The following NRG4 variants were observed in gnomAD, a reference collection of about 807,000 sequenced individuals.
NRG4 encodes the protein neuregulin 4, also known as pro-neuregulin-4, membrane-bound isoform.
NRG4 carries 10 observed loss-of-function variants against 15.0 expected under a neutral mutation model. The observed-to-expected ratio is 0.67, with a 90% confidence interval of 0.41 to 1.13. The LOEUF is 1.13. NRG4 is among the 50% of genes most tolerant of loss of function. NRG4 has a pLI of 0.00. For missense variants in NRG4, 139 were observed against 140.2 expected (o/e 0.99, Z 0.04); for synonymous variants, 41 against 50.1 (o/e 0.82, Z 0.77).
chr15:75,976,891 C>A (rs2033388750), intron 3 of NRG4, among the ~76,000 whole-genome samples: 1 of 152,148 alleles, frequency 6.6e-6, no homozygotes, highest in South Asian at 2.1e-4. Flanking sequence ...TTCAGAGCCA[C>A]CAGGCAGGAA....
upstream of NRG4, among the ~76,000 whole-genome samples, chr15:76,014,292 T>C (rs2034908000): frequency 6.6e-6 from 1 of 152,218 alleles, no homozygotes; most frequent in South Asian, 2.1e-4. Context: ...ATTCTGTAGG[T>C]TGCCTGTTTA....
At position 76,011,301 on chromosome 15, in the gene NRG4, A is replaced by G. The variant is rs972148833; in HGVS notation, c.-56-15T>C. On this transcript the variant is annotated splice_polypyrimidine_tract_variant and intron_variant, in intron 1 of 5. Coordinates refer to ENST00000394907, the MANE Select transcript of NRG4 (RefSeq NM_138573.4). ...AAAAACAGTACCTAAAACGGTTTAA[A>G]AAGTAATAATTCAGGGAAAATAGTC... The G allele has an allele frequency of 4.1e-5, 52 of 1,261,808 alleles. No individual in the cohort carries two copies. In the African/African-American group the frequency reaches 7.1e-4, roughly 17 times the overall value. The allele number at this position is 1,261,808 out of a possible 1,614,324, so 78.2% of individuals were successfully genotyped here. A position where few individuals can be genotyped will look rare whatever the true frequency, so the allele number is the denominator to read the frequency against.
intron 4 of NRG4, among the ~76,000 whole-genome samples, chr15:76,051,139 G>A (rs910484839): frequency 8.8e-5 from 13 of 147,916 alleles, no homozygotes; most frequent in Non-Finnish European, 1.2e-4. Flanking sequence ...CCAAGTAGCT[G>A]GGACTACAGG....
intron 4 of NRG4, among the ~76,000 whole-genome samples, chr15:76,043,855 A>T (rs1316040060): frequency 1.3e-5 from 2 of 152,212 alleles, no homozygotes; most frequent in Admixed American, 6.5e-5. Flanking sequence ...AAAGAACAAA[A>T]CTGAATAAAT....
chr15:75,979,368 A>T (rs1369402004), intron 3 of NRG4, among the ~76,000 whole-genome samples: 1 of 152,068 alleles, frequency 6.6e-6, no homozygotes, highest in Admixed American at 6.5e-5. Context: ...TCTCCAATCC[A>T]TTGGGTGGAT....
rs200629634 is a variant in NRG4 at position 76,049,294 on chromosome 15, ATAT to A, written c.-105+2770_-105+2772del. 6.2e-3 allele frequency among the ~76,000 whole-genome samples: 933 copies of A among 150,894 alleles called. 57 individuals carry two copies. Among genetic ancestry groups the A allele is most frequent in the African/African-American group, 0.021 (862 of 40,454 alleles). ...TTAACATCTCCTTGCTTACAAAGAA[ATAT>A]TATCTTAAAGTTCCTAATTTTTCCT... is the stretch of plus-strand genomic sequence containing the variant. On this transcript the variant is annotated intron_variant, in intron 4 of 8. Coordinates refer to the NRG4 transcript ENST00000563910.
chr15:75,985,008 C>A (rs2033746229), intron 3 of NRG4, among the ~76,000 whole-genome samples: 1 of 152,022 alleles, frequency 6.6e-6, no homozygotes, highest in African/African-American at 2.4e-5. Flanking sequence ...CCATGCCAGG[C>A]TAATTTTTGT....
intron 3 of NRG4, among the ~76,000 whole-genome samples, chr15:75,992,785 G>A (rs2034066923): frequency 6.6e-6 from 1 of 151,962 alleles, no homozygotes; most frequent in Non-Finnish European, 1.5e-5. Flanking sequence ...TTTGCAAATG[G>A]CTTCTTTGAC....
At chr15:76,032,609 C>T (rs1396690185) in intron 5 of NRG4, among the ~76,000 whole-genome samples, 4 of 152,246 alleles carry the variant, frequency 2.6e-5, no homozygotes, top group East Asian at 3.9e-4. Flanking sequence ...TAAACTACAT[C>T]CACAGAAAAA....
At position 75,964,844 on chromosome 15, in the gene NRG4, T is replaced by A. The variant is rs149718265; in HGVS notation, c.105-2870A>T. 2.0e-4 allele frequency among the ~76,000 whole-genome samples: 30 copies of A among 152,162 alleles called. No homozygotes were observed. The East Asian group carries it at 5.8e-3, about 29-fold the overall frequency. ...AGGAGGCTGAGGTGGGAGAATCACT[T>A]GAGCCCAGGTCAAGGCATAGTGAGC... On this transcript the variant is annotated intron_variant, in intron 3 of 5. Coordinates refer to ENST00000394907, the MANE Select transcript of NRG4 (RefSeq NM_138573.4).
At chr15:76,048,983 G>A (rs1482597023) in intron 4 of NRG4, among the ~76,000 whole-genome samples, 1 of 150,556 alleles carries the variant, frequency 6.6e-6, no homozygotes, top group Non-Finnish European at 1.5e-5. Flanking sequence ...AGGTGGAGGT[G>A]CAGTGAGCTG....
At chr15:75,992,493 TATATG>T (rs1413654267) in intron 3 of NRG4, among the ~76,000 whole-genome samples, 1 of 152,178 alleles carries the variant, frequency 6.6e-6, no homozygotes, top group African/African-American at 2.4e-5. Context: ...ATTTATTATT[TATATG>T]ATATAATTCA....
At chr15:75,987,812 G>T (rs2033853592) in intron 3 of NRG4, among the ~76,000 whole-genome samples, 1 of 152,190 alleles carries the variant, frequency 6.6e-6, no homozygotes, top group African/African-American at 2.4e-5. Context: ...ACCTTACTCA[G>T]GCTCACAATA....
At chr15:76,053,867 A>G (rs898748825) in intron 2 of NRG4, among the ~76,000 whole-genome samples, 1 of 151,048 alleles carries the variant, frequency 6.6e-6, no homozygotes, top group African/African-American at 2.5e-5. Context: ...TAATTATACC[A>G]CAATTGGAAT....
chr15:76,014,383 A>G (rs148986046), upstream of NRG4, among the ~76,000 whole-genome samples: 280 of 152,148 alleles, frequency 1.8e-3, 1 homozygote, highest in African/African-American at 6.6e-3. Flanking sequence ...TTTTGTTGCC[A>G]TTGCTTTTGG....
intron 3 of NRG4, among the ~76,000 whole-genome samples, chr15:75,967,847 A>G (rs2032890293): frequency 6.6e-6 from 1 of 152,220 alleles, no homozygotes; most frequent in Admixed American, 6.5e-5. Flanking sequence ...AATGAACTAC[A>G]TGTTGTGTAT....
intron 5 of NRG4, among the ~76,000 whole-genome samples, chr15:76,032,962 A>C (rs1046333990): frequency 1.3e-5 from 2 of 152,190 alleles, no homozygotes; most frequent in Non-Finnish European, 2.9e-5. Context: ...ACTATATTGA[A>C]CCTATCATAC....
intron 5 of NRG4, among the ~76,000 whole-genome samples, chr15:75,953,117 C>T (rs2141790119): frequency 6.6e-6 from 1 of 152,234 alleles, no homozygotes; most frequent in South Asian, 2.1e-4. Flanking sequence ...TGAAGATTGA[C>T]ACCTATGTTT....
intron 3 of NRG4, among the ~76,000 whole-genome samples, chr15:75,992,473 C>T (rs1428215464): frequency 6.6e-6 from 1 of 152,018 alleles, no homozygotes; most frequent in East Asian, 1.9e-4. Context: ...TTTTAAACAG[C>T]CTTATTGAGA....
Sources: gnomAD v4.1 joint callset for allele counts (sites outside exome capture counted in the v4.1 genomes callset) on GRCh38, gnomAD v4.1.1 for gene constraint, MANE v1.5 for transcripts, NCBI Gene and HGNC (gene_info 2026-07-23, HGNC 2026-07-21) for gene names.